The following UTP4 variants were observed in gnomAD, a reference collection of about 807,000 sequenced individuals.
UTP4 encodes the protein U3 small nucleolar RNA-associated protein 4 homolog.
UTP4 carries 45 observed loss-of-function variants against 82.4 expected under a neutral mutation model. The ratio of observed to expected loss-of-function variants is 0.55; its 90% CI spans 0.43 to 0.70. The LOEUF is 0.70. Ranked by LOEUF, UTP4 falls within the 30% of genes least tolerant of loss-of-function variation. The pLI is 0.00. For missense variants in UTP4, 819 were observed against 858.3 expected (o/e 0.95, Z 0.57); for synonymous variants, 348 against 300.3 (o/e 1.16, Z -1.64).
rs564560330 is a variant in UTP4 at position 69,164,074 on chromosome 16, T to C, written c.1647+896T>C. ...TAATTTTTTGTATTTTTAGTAGAGA[T>C]GGAGTTTCACCATGTTAGCCAGGAT... On this transcript the variant is annotated intron_variant, in intron 14 of 16. Transcript: ENST00000314423. Among the ~76,000 whole-genome samples the C allele has an allele frequency of 3.0e-4, 46 of 151,848 alleles. No homozygotes were observed. In the East Asian group the frequency reaches 4.3e-3, roughly 14 times the overall value.
intron 15 of UTP4, 165 bp from the exon 16 acceptor site, chr16:69,166,910 G>T: frequency 1.6e-6 from 1 of 619,216 alleles, no homozygotes. Flanking sequence ...TCTGAATAGA[G>T]GTATTATGGC....
intron 12 of UTP4, among the ~76,000 whole-genome samples, chr16:69,158,602 T>C (rs1963483992): frequency 6.6e-6 from 1 of 152,202 alleles, no homozygotes; most frequent in Admixed American, 6.5e-5. Flanking sequence ...AAACTTAGGC[T>C]ATTTATCTTA....
Position 69,165,324 on chromosome 16 carries a change from G to T in UTP4, c.1648-17G>T, listed in dbSNP as rs776476809. ...TGAGTACCAGCCTGCATTTCTCTAT[G>T]TCATGTCCTCCCTCAGGTATTTGAG... On this transcript the variant is annotated splice_polypyrimidine_tract_variant and intron_variant, in intron 14 of 16. Transcript: ENST00000314423. 7 of 1,613,084 alleles carry T rather than the reference G, an allele frequency of 4.3e-6. No individual in the cohort carries two copies. In the South Asian group the frequency reaches 5.5e-5, roughly 13 times the overall value.
intron 6 of UTP4, among the ~76,000 whole-genome samples, chr16:69,147,495 ACT>A (rs34868746): frequency 1.4e-4 from 21 of 152,226 alleles, no homozygotes; most frequent in Non-Finnish European, 2.5e-4. Context: ...ACAGAGCAAG[ACT>A]CTGTCTCCAA....
chr16:69,156,020 C>T (rs779192942), intron 11 of UTP4, 27 bp downstream of exon 11: 1 of 1,612,370 alleles, frequency 6.2e-7, no homozygotes. Context: ...TATCTGGTCA[C>T]ATAAGAGGAA....
At chr16:69,155,371 G>T (rs533585327) in intron 10 of UTP4, among the ~76,000 whole-genome samples, 34 of 152,004 alleles carry the variant, frequency 2.2e-4, no homozygotes, top group Non-Finnish European at 4.0e-4. Context: ...TCACCATGTT[G>T]TCCAGACAGG....
At chr16:69,132,811 G>A (rs1298173960) in intron 1 of UTP4, 122 bp downstream of exon 1, 5 of 226,646 alleles carry the variant, frequency 2.2e-5, no homozygotes, top group Admixed American at 1.9e-4. Context: ...TCCCGAGGCG[G>A]GGTGGGGGCT....
intron 10 of UTP4, among the ~76,000 whole-genome samples, chr16:69,155,525 ACAGAAAATAAGTACTTCAAAC>A (rs1408124659): frequency 6.6e-6 from 1 of 152,180 alleles, no homozygotes; most frequent in Non-Finnish European, 1.5e-5. Context: ...CGTACACAAA[ACAGAAAATAAGTACTTCAAAC>A]CACCTATCCT....
intron 10 of UTP4, among the ~76,000 whole-genome samples, chr16:69,155,507 C>G (rs973901768): frequency 6.6e-6 from 1 of 152,174 alleles, no homozygotes; most frequent in African/African-American, 2.4e-5. Context: ...GTCTTTAAAG[C>G]AGAACGCCGT....
At chr16:69,147,992 C>T (rs1963163625) in intron 6 of UTP4, among the ~76,000 whole-genome samples, 2 of 151,982 alleles carry the variant, frequency 1.3e-5, no homozygotes, top group African/African-American at 4.8e-5. Context: ...CTTGCTCTGT[C>T]GCCTAGGCTG....
intron 6 of UTP4, among the ~76,000 whole-genome samples, chr16:69,150,324 A>ACAGC (rs1963226962): frequency 1.3e-5 from 2 of 152,062 alleles, no homozygotes; most frequent in African/African-American, 4.8e-5. Context: ...TGTAGACGTT[A>ACAGC]ATTTTGTCAG....
chr16:69,139,898 G>A lies in UTP4; in HGVS notation c.510G>A (p.Val170=). ...IAAGSIDYIS[V]FDVKSGSAVH... is the part of the protein sequence containing the mutation. The stretch of plus-strand genomic sequence containing the variant: ...CTGGTTCCATAGACTACATTAGTGT[G>A]TTTGATGTCAAATCAGGTGATTGTT... Residue 170 remains valine (V), a synonymous_variant, in exon 5 of 17, where the codon GTG becomes GTA. Coordinates refer to ENST00000314423, the MANE Select transcript of UTP4 (RefSeq NM_032830.3). 6.2e-7 allele frequency: 1 copy of A among 1,612,328 alleles called. No individual in the cohort carries two copies. The highest frequency in any genetic ancestry group is 8.5e-7 in the Non-Finnish European group (1 of 1,178,400).
chr16:69,152,843 C>G (rs1341711160), intron 8 of UTP4, among the ~76,000 whole-genome samples: 2 of 152,110 alleles, frequency 1.3e-5, no homozygotes, highest in Non-Finnish European at 1.5e-5. Context: ...AGGCCAGTCT[C>G]AAACTCCTGG....
At chr16:69,159,056 T>A (rs1009849203) in intron 12 of UTP4, among the ~76,000 whole-genome samples, 2 of 146,716 alleles carry the variant, frequency 1.4e-5, no homozygotes, top group Non-Finnish European at 2.9e-5. Context: ...CCGTAACTTT[T>A]TTTTTTATTA....
At chr16:69,140,421 G>A (rs1423096695) in intron 5 of UTP4, among the ~76,000 whole-genome samples, 1 of 152,136 alleles carries the variant, frequency 6.6e-6, no homozygotes, top group Non-Finnish European at 1.5e-5. Context: ...GAGATGCAGA[G>A]ATAAAACAGG....
intron 7 of UTP4, 27 bp from the exon 8 acceptor site, chr16:69,150,786 T>C (rs1348888557): frequency 1.2e-6 from 2 of 1,613,338 alleles, no homozygotes; most frequent in Admixed American, 1.7e-5. Context: ...CTTCTAATTC[T>C]GTACACCTTC....
Position 69,150,560 on chromosome 16 carries a change from C to A in UTP4, c.762C>A (p.Gly254=). The change falls in exon 7 of 17, where the codon GGC becomes GGA. Residue 254 remains glycine (G), a synonymous_variant. Transcript: ENST00000314423. ...VADQEDSFVV[G]TAEGTVFHFQ... ...AGCAAGAAGACAGTTTCGTGGTGGG[C>A]ACAGCCGAGGGAACAGTCTTCCATT... 6.2e-7 allele frequency: 1 copy of A among 1,614,214 alleles called. No homozygotes were observed. The highest frequency in any genetic ancestry group is 8.5e-7 in the Non-Finnish European group (1 of 1,180,046).
At chr16:69,156,110 A>G in intron 11 of UTP4, 117 bp downstream of exon 11, 1 of 968,628 alleles carries the variant, frequency 1.0e-6, no homozygotes, top group Non-Finnish European at 1.6e-6. Flanking sequence ...CTATTTGGAG[A>G]TTTGGAGAAG....
At chr16:69,157,627 C>T (rs1963455147) in intron 12 of UTP4, among the ~76,000 whole-genome samples, 1 of 152,018 alleles carries the variant, frequency 6.6e-6, no homozygotes, top group Non-Finnish European at 1.5e-5. Flanking sequence ...GGCATGTTGC[C>T]TTTTTTGGTT....
Sources: gnomAD v4.1 joint callset for allele counts (sites outside exome capture counted in the v4.1 genomes callset) on GRCh38, gnomAD v4.1.1 for gene constraint, MANE v1.5 for transcripts, NCBI Gene and HGNC (gene_info 2026-07-23, HGNC 2026-07-21) for gene names.